LRP1B: variants seen among roughly 807,000 people sequenced by gnomAD.
LRP1B encodes the protein LDL receptor related protein 1B.
A neutral mutation model predicts 556.6 loss-of-function variants in LRP1B; 217 were observed. The ratio of observed to expected loss-of-function variants is 0.39; its 90% CI spans 0.35 to 0.44. LRP1B has a LOEUF of 0.44. Ranked by LOEUF, LRP1B falls within the 20% of genes least tolerant of loss-of-function variation. The pLI, the probability that LRP1B is intolerant of heterozygous loss-of-function variation, is 1.00. For synonymous variants in LRP1B, 2,047 were observed against 1,865.8 expected, an observed-to-expected ratio of 1.10 and a Z score of -2.50; for missense variants, 5,053 against 5,620.8, an observed-to-expected ratio of 0.90 and a Z score of 3.23.
chr2:141,581,262 C>T (rs1283562665), intron 2 of LRP1B, among the ~76,000 whole-genome samples: 2 of 152,128 alleles, frequency 1.3e-5, no homozygotes, highest in Non-Finnish European at 1.5e-5. Context: ...ATCTCCAATC[C>T]CTAGCTCATC....
At chr2:140,625,855 C>T (rs1433759348) in intron 41 of LRP1B, among the ~76,000 whole-genome samples, 1 of 152,112 alleles carries the variant, frequency 6.6e-6, no homozygotes, top group East Asian at 1.9e-4. Flanking sequence ...CCATATGATC[C>T]AGCATTCATT....
intron 41 of LRP1B, among the ~76,000 whole-genome samples, chr2:140,657,686 C>T (rs1338780045): frequency 9.1e-5 from 13 of 142,738 alleles, no homozygotes. Flanking sequence ...TATATAAATA[C>T]AACATTATGG....
At chr2:140,884,231 G>GT (rs527881164) in intron 24 of LRP1B, among the ~76,000 whole-genome samples, 44 of 152,218 alleles carry the variant, frequency 2.9e-4, no homozygotes, top group Middle Eastern at 3.4e-3. Flanking sequence ...CTTTAATCTA[G>GT]TAAATCCTTT....
intron 7 of LRP1B, among the ~76,000 whole-genome samples, chr2:141,141,287 A>T (rs1701645257): frequency 6.6e-6 from 1 of 152,154 alleles, no homozygotes; most frequent in African/African-American, 2.4e-5. Context: ...AGACTGAAAG[A>T]TTACACAACT....
At chr2:141,506,075 ACG>A (rs1295518452) in intron 2 of LRP1B, among the ~76,000 whole-genome samples, 2 of 152,066 alleles carry the variant, frequency 1.3e-5, no homozygotes, top group Non-Finnish European at 2.9e-5. Flanking sequence ...CATTAGACAA[ACG>A]AGAGGAGAAA....
chr2:141,107,074 A>C (rs1277560316), intron 7 of LRP1B, among the ~76,000 whole-genome samples: 1 of 152,076 alleles, frequency 6.6e-6, no homozygotes, highest in Non-Finnish European at 1.5e-5. Flanking sequence ...AATTGTATTC[A>C]ATCACTTTTC....
intron 3 of LRP1B, among the ~76,000 whole-genome samples, chr2:141,413,134 G>C (rs138581792): frequency 6.6e-6 from 1 of 152,032 alleles, no homozygotes; most frequent in African/African-American, 2.4e-5. Context: ...GGCTGAGACC[G>C]GAGGATTGCT....
At chr2:141,799,948 A>G (rs1248268949) in intron 2 of LRP1B, among the ~76,000 whole-genome samples, 1 of 152,136 alleles carries the variant, frequency 6.6e-6, no homozygotes, top group Non-Finnish European at 1.5e-5. Context: ...TAAATTATAC[A>G]TTTATTACCA....
At chr2:140,527,016 G>A (rs1446692354) in intron 47 of LRP1B, among the ~76,000 whole-genome samples, 2 of 151,784 alleles carry the variant, frequency 1.3e-5, no homozygotes, top group Non-Finnish European at 2.9e-5. Flanking sequence ...ATAATAAATA[G>A]GATGCCTCAT....
At chr2:140,963,692 C>T (rs1391687422) in intron 18 of LRP1B, among the ~76,000 whole-genome samples, 3 of 152,014 alleles carry the variant, frequency 2.0e-5, no homozygotes, top group Non-Finnish European at 2.9e-5. Flanking sequence ...CATTGTGGCT[C>T]ACACCTGTAA....
At chr2:140,567,447 C>T (rs1455494089) in intron 43 of LRP1B, among the ~76,000 whole-genome samples, 2 of 152,162 alleles carry the variant, frequency 1.3e-5, no homozygotes, top group African/African-American at 4.8e-5. Flanking sequence ...TCCAGAGAAT[C>T]CTTTCTTCCT....
chr2:141,888,580 T>C (rs574275356), intron 1 of LRP1B, among the ~76,000 whole-genome samples: 45 of 152,180 alleles, frequency 3.0e-4, no homozygotes, highest in African/African-American at 1.1e-3. Flanking sequence ...AGGCTGATAA[T>C]AGGGGAAAAT....
intron 90 of LRP1B, among the ~76,000 whole-genome samples, chr2:140,234,009 C>G (rs1452212881): frequency 1.3e-5 from 2 of 151,268 alleles, no homozygotes; most frequent in Non-Finnish European, 3.0e-5. Flanking sequence ...ATACAATGTT[C>G]ACTATTTAAC....
At chr2:142,095,875 A>C (rs538314837) in intron 1 of LRP1B, among the ~76,000 whole-genome samples, 4 of 151,712 alleles carry the variant, frequency 2.6e-5, no homozygotes, top group African/African-American at 4.8e-5. Context: ...ATCCAACCCC[A>C]AAAAACAAAA....
At chr2:140,902,890 T>C in intron 23 of LRP1B, 30 bp downstream of exon 23, 2 of 1,603,064 alleles carry the variant, frequency 1.2e-6, no homozygotes, top group Non-Finnish European at 1.7e-6. Context: ...TATTCTTAAA[T>C]ATAGCAACAC....
intron 37 of LRP1B, among the ~76,000 whole-genome samples, chr2:140,705,163 T>A (rs1007158534): frequency 9.2e-5 from 14 of 152,088 alleles, no homozygotes; most frequent in Non-Finnish European, 4.4e-5. Flanking sequence ...AAATATATAA[T>A]GATATTATAT....
chr2:140,417,605 A>G (rs1270186017), intron 66 of LRP1B, among the ~76,000 whole-genome samples: 1 of 152,184 alleles, frequency 6.6e-6, no homozygotes, highest in Non-Finnish European at 1.5e-5. Context: ...AAGTCTTTGA[A>G]TAATTACATA....
At chr2:141,890,221 C>T (rs1219108143) in intron 1 of LRP1B, among the ~76,000 whole-genome samples, 3 of 150,946 alleles carry the variant, frequency 2.0e-5, no homozygotes, top group East Asian at 1.9e-4. Context: ...AAACATTACT[C>T]CACTGCTCTG....
intron 2 of LRP1B, among the ~76,000 whole-genome samples, chr2:141,742,990 A>T (rs1439393353): frequency 6.6e-6 from 1 of 152,050 alleles, no homozygotes; most frequent in Non-Finnish European, 1.5e-5. Flanking sequence ...TAACAGTTCT[A>T]ACAGTTTTTC....
Sources: gnomAD v4.1 joint callset for allele counts (sites outside exome capture counted in the v4.1 genomes callset) on GRCh38, gnomAD v4.1.1 for gene constraint, MANE v1.5 for transcripts, NCBI Gene and HGNC (gene_info 2026-07-23, HGNC 2026-07-21) for gene names.